Variants in MCRIP2 observed in about 807,000 individuals in gnomAD.
MCRIP2 encodes the protein MAPK regulated corepressor interacting protein 2, also known as MAPK regulated co-repressor interacting protein 2.
A neutral mutation model predicts 23.2 loss-of-function variants in MCRIP2; 21 were observed. That is an observed-to-expected ratio of 0.90 (90% CI 0.64 to 1.30). The LOEUF (loss-of-function observed/expected upper bound fraction) is 1.30. Among genes scored for constraint, MCRIP2 ranks in the 50% most tolerant of loss-of-function variants. The pLI is 0.00. For missense variants in MCRIP2, 234 were observed against 223.2 expected (o/e 1.05, Z -0.31); for synonymous variants, 121 against 100.2 (o/e 1.21, Z -1.24).
chr16:647,621 G>C (rs1219419272), intron 3 of MCRIP2, 77 bp downstream of exon 3: 2 of 1,582,510 alleles, frequency 1.3e-6, no homozygotes, highest in African/African-American at 2.7e-5. Context: ...CCCACTTCAA[G>C]CTGACCCACA....
In MCRIP2 at chr16:642,177, C is replaced by T. The variant is rs991326051; in HGVS notation, c.110C>T (p.Pro37Leu). 7.4e-6 allele frequency: 10 copies of T among 1,343,752 alleles called. No homozygotes were observed. The highest frequency in any genetic ancestry group is 2.8e-4 in the Middle Eastern group (1 of 3,606). 83.2% of individuals were successfully genotyped at this position (1,343,752 alleles called of 1,614,324 possible). A position where few individuals can be genotyped will look rare whatever the true frequency, so the allele number is the denominator to read the frequency against. ...GGCGAGCTCCTGAAATGCCGGCAGC[C>T]CGCGCCGCCGACCTCGCAGCCCCCG... ...RLGELLKCRQPAPPTSQPPRA... is the reference protein window; with the variant it reads ...RLGELLKCRQLAPPTSQPPRA... Residue 37 changes from proline (P) to leucine (L), a missense_variant, in exon 2 of 5, where the codon CCC becomes CTC. Physicochemically the swap from Pro to Leu is moderately conservative, Grantham distance 98. Coordinates refer to ENST00000307650, the MANE Select transcript of MCRIP2 (RefSeq NM_138418.4).
chr16:645,126 T>G (rs904894973), intron 2 of MCRIP2: 1 of 152,002 alleles, frequency 6.6e-6, no homozygotes, highest in Admixed American at 6.6e-5. Context: ...ACCCGGCTAA[T>G]TTTTTTGTGT....
In MCRIP2 at chr16:648,153, C is replaced by G. The variant is rs1365207404; in HGVS notation, c.446C>G (p.Ala149Gly). 6.2e-6 allele frequency: 10 copies of G among 1,610,838 alleles called. No individual in the cohort carries two copies. Among genetic ancestry groups the G allele is most frequent in the Non-Finnish European group, 7.6e-6 (9 of 1,179,084 alleles). Residue 149 changes from alanine (A) to glycine (G), a missense_variant, in exon 5 of 5, where the codon GCG becomes GGG. Coordinates refer to ENST00000307650, the MANE Select transcript of MCRIP2 (RefSeq NM_138418.4). The part of the protein sequence containing the change: ...FVPIDLDEWW[A>G]QQFLARITSC... ...CCCATTGACCTAGACGAGTGGTGGG[C>G]GCAGCAGTTCCTGGCGAGAATCACC...
intron 1 of MCRIP2, 33 bp downstream of exon 1, chr16:642,076 G>A: frequency 7.6e-7 from 1 of 1,317,706 alleles, no homozygotes. Flanking sequence ...GAACGGGGAC[G>A]GGGCGGGGCG....
Position 641,917 on chromosome 16 carries a change from A to T in MCRIP2, c.-75A>T. 8.2e-7 allele frequency: 1 copy of T among 1,224,050 alleles called. No individual in the cohort carries two copies. Among genetic ancestry groups the T allele is most frequent in the Non-Finnish European group, 1.0e-6 (1 of 973,478 alleles). The allele number at this position is 1,224,050 out of a possible 1,614,324, so 75.8% of individuals were successfully genotyped here. A position where few individuals can be genotyped will look rare whatever the true frequency, so the allele number is the denominator to read the frequency against. The stretch of plus-strand genomic sequence containing the variant: ...CCCGCCCCCTCCCCGCGGCGCCCGC[A>T]GTCCGTTAAGTGCGAGCCCCGGCGC... On this transcript the variant is annotated 5_prime_UTR_variant, in exon 1 of 5. Coordinates refer to ENST00000307650, the MANE Select transcript of MCRIP2 (RefSeq NM_138418.4).
In MCRIP2 at chr16:641,947, G is replaced by A; in HGVS notation, c.-45G>A. 7.8e-7 allele frequency: 1 copy of A among 1,289,584 alleles called. No homozygotes were observed. The highest frequency in any genetic ancestry group is 9.8e-7 in the Non-Finnish European group (1 of 1,020,642). 79.9% of individuals were successfully genotyped at this position (1,289,584 alleles called of 1,614,324 possible). A position where few individuals can be genotyped will look rare whatever the true frequency, so the allele number is the denominator to read the frequency against. ...GTTAAGTGCGAGCCCCGGCGCAGGGGCCGGATCTGGCCGGGGGCCGGCGGC... is the reference window on the plus strand; with the variant it reads ...GTTAAGTGCGAGCCCCGGCGCAGGGACCGGATCTGGCCGGGGGCCGGCGGC... On this transcript the variant is annotated 5_prime_UTR_variant, in exon 1 of 5. Transcript: ENST00000307650.
rs1185821595 is a variant in MCRIP2 at position 642,057 on chromosome 16, G to A, written c.52+14G>A. 6.1e-6 allele frequency: 8 copies of A among 1,319,572 alleles called. No individual in the cohort carries two copies. Among genetic ancestry groups the A allele is most frequent in the East Asian group, 3.2e-5 (1 of 31,438 alleles). The allele number at this position is 1,319,572 out of a possible 1,614,324, so 81.7% of individuals were successfully genotyped here. A position where few individuals can be genotyped will look rare whatever the true frequency, so the allele number is the denominator to read the frequency against. ...AGCGCCGCACAGGTGCGCACGGGCC[G>A]GGGAACGGGAACGGGGACGGGGCGG... On this transcript the variant is annotated intron_variant, in intron 1 of 4. Transcript: ENST00000307650.
rs1016871436 is a variant in MCRIP2 at position 642,103 on chromosome 16, C to A, written c.53-17C>A. The stretch of plus-strand genomic sequence containing the variant: ...GGCGGGGCGCGGCGGCGGCTGACCG[C>A]CCCCCGGTGCCCGCAGGTCCCACGC... On this transcript the variant is annotated splice_polypyrimidine_tract_variant and intron_variant, in intron 1 of 4. Transcript: ENST00000307650. 1 of 1,331,104 alleles carries A rather than the reference C, an allele frequency of 7.5e-7. No homozygotes were observed. The highest frequency in any genetic ancestry group is 3.7e-5 in the Admixed American group (1 of 27,168). 82.5% of individuals were successfully genotyped at this position (1,331,104 alleles called of 1,614,324 possible).
Position 641,989 on chromosome 16 carries a change from G to T in MCRIP2, c.-3G>T. The T allele has an allele frequency of 7.6e-7, 1 of 1,323,080 alleles. No individual in the cohort carries two copies. Among genetic ancestry groups the T allele is most frequent in the African/African-American group, 1.5e-5 (1 of 64,824 alleles). 82.0% of individuals were successfully genotyped at this position (1,323,080 alleles called of 1,614,324 possible). On this transcript the variant is annotated 5_prime_UTR_variant, in exon 1 of 5. Coordinates refer to ENST00000307650, the MANE Select transcript of MCRIP2 (RefSeq NM_138418.4). ...GCCGGCGGCGGTGTGGGAGCGGCGCGTCATGTACACCATCACCAAGGGGCC... is the reference window on the plus strand; with the variant it reads ...GCCGGCGGCGGTGTGGGAGCGGCGCTTCATGTACACCATCACCAAGGGGCC...
In MCRIP2 at chr16:647,811, T is replaced by C; in HGVS notation, c.339T>C (p.Asp113=). The C allele has an allele frequency of 6.3e-7, 1 of 1,575,356 alleles. No individual in the cohort carries two copies. The highest frequency in any genetic ancestry group is 8.6e-7 in the Non-Finnish European group (1 of 1,161,286). ...GGCAGCAGGTGCAACAGCAGCTGGA[T>C]GGTGGCCCAGCCGGTGAGGGCGGGC... ...EAWQQVQQQL[D]GGPAGEGGPR... Residue 113 remains aspartate, a synonymous_variant, in exon 4 of 5, where the codon GAT becomes GAC. Transcript: ENST00000307650.
Position 648,411 on chromosome 16 carries a change from A to C in MCRIP2, c.*221A>C. 1.8e-6 allele frequency: 1 copy of C among 571,062 alleles called. No homozygotes were observed. Among genetic ancestry groups the C allele is most frequent in the South Asian group, 2.1e-5 (1 of 47,408 alleles). 35.4% of individuals were successfully genotyped at this position (571,062 alleles called of 1,614,324 possible). On this transcript the variant is annotated 3_prime_UTR_variant, in exon 5 of 5. Transcript: ENST00000307650. ...TCAGCCCTGCTCACTGTGCCCAGGG[A>C]CCAGCGACCAGCCCCTGGGGCTGGC... is the stretch of plus-strand genomic sequence containing the variant.
rs535146387 is a variant in MCRIP2, at chr16:642,467, C to A, written c.182+218C>A. On this transcript the variant is annotated intron_variant, in intron 2 of 4. Transcript: ENST00000307650. The stretch of plus-strand genomic sequence containing the variant: ...CGCCTCACCTGGCCGGGCCCGGGCC[C>A]CCAGCGGGGAGAAAGCCGGCCAGTT... 45 of 304,832 alleles carry A rather than the reference C, an allele frequency of 1.5e-4. No homozygotes were observed. In the East Asian group the frequency reaches 3.2e-3, roughly 21 times the overall value. The allele number at this position is 304,832 out of a possible 1,614,324, so 18.9% of individuals were successfully genotyped here.
At position 643,790 on chromosome 16, in the gene MCRIP2, C is replaced by A. The variant is rs545690922; in HGVS notation, c.182+1541C>A. ...CTCATGATCCACCCGCCTCAGCCCCCCAAAGTGCTGGGATTACAAGTGTGA... is the reference window on the plus strand; with the variant it reads ...CTCATGATCCACCCGCCTCAGCCCCACAAAGTGCTGGGATTACAAGTGTGA... On this transcript the variant is annotated intron_variant, in intron 2 of 4. Coordinates refer to ENST00000307650, the MANE Select transcript of MCRIP2 (RefSeq NM_138418.4). 3.3e-5 allele frequency among the ~76,000 whole-genome samples: 5 copies of A among 152,270 alleles called. No homozygotes were observed. In the East Asian group the frequency reaches 9.7e-4, roughly 29 times the overall value.
Position 641,971 on chromosome 16 carries a change from G to T in MCRIP2, c.-21G>T. 7.6e-7 allele frequency: 1 copy of T among 1,309,186 alleles called. No individual in the cohort carries two copies. Among genetic ancestry groups the T allele is most frequent in the Non-Finnish European group, 9.7e-7 (1 of 1,030,782 alleles). 81.1% of individuals were successfully genotyped at this position (1,309,186 alleles called of 1,614,324 possible). A position where few individuals can be genotyped will look rare whatever the true frequency, so the allele number is the denominator to read the frequency against. On this transcript the variant is annotated 5_prime_UTR_variant, in exon 1 of 5. Coordinates refer to ENST00000307650, the MANE Select transcript of MCRIP2 (RefSeq NM_138418.4). ...GGCCGGATCTGGCCGGGGGCCGGCG[G>T]CGGTGTGGGAGCGGCGCGTCATGTA...
chr16:648,226 C>T lies in MCRIP2; in HGVS notation c.*36C>T, dbSNP rs2037556407. ...GAGGGGGCGCTGCTACACGGCCGAC[C>T]TGTCGCCAGGAGAGAAGCATGGCGC... On this transcript the variant is annotated 3_prime_UTR_variant, in exon 5 of 5. Transcript: ENST00000307650. The T allele has an allele frequency of 1.3e-6, 2 of 1,581,414 alleles. No homozygotes were observed. Among genetic ancestry groups the T allele is most frequent in the Non-Finnish European group, 8.6e-7 (1 of 1,162,110 alleles).
chr16:645,874 C>G (rs1442397137), intron 2 of MCRIP2: 1 of 152,270 alleles, frequency 6.6e-6, no homozygotes, highest in Non-Finnish European at 1.5e-5. Flanking sequence ...CTGCCCCCAC[C>G]CAGCATGTAA....
At position 648,219 on chromosome 16, in the gene MCRIP2, G is replaced by A. The variant is rs768458681; in HGVS notation, c.*29G>A. 3.1e-6 allele frequency: 5 copies of A among 1,591,122 alleles called. No homozygotes were observed. Among genetic ancestry groups the A allele is most frequent in the Non-Finnish European group, 3.4e-6 (4 of 1,168,292 alleles). ...CTGCTGGGAGGGGGCGCTGCTACAC[G>A]GCCGACCTGTCGCCAGGAGAGAAGC... is the stretch of plus-strand genomic sequence containing the variant. On this transcript the variant is annotated 3_prime_UTR_variant, in exon 5 of 5. Coordinates refer to ENST00000307650, the MANE Select transcript of MCRIP2 (RefSeq NM_138418.4).
rs1030556127 is a variant in MCRIP2, at chr16:648,447, T to C, written c.*257T>C. ...GCCCCTGGGGCTGGCAGGGAGGAGC[T>C]CCAGGCTAATAAAGTGGAGAAACTG... On this transcript the variant is annotated 3_prime_UTR_variant, in exon 5 of 5. Transcript: ENST00000307650. 6.0e-5 allele frequency: 33 copies of C among 550,504 alleles called. No individual in the cohort carries two copies. Among genetic ancestry groups the C allele is most frequent in the Middle Eastern group, 9.5e-4 (2 of 2,100 alleles). The allele number at this position is 550,504 out of a possible 1,614,324, so 34.1% of individuals were successfully genotyped here. A position where few individuals can be genotyped will look rare whatever the true frequency, so the allele number is the denominator to read the frequency against.
At chr16:647,705 T>C in intron 3 of MCRIP2, 78 bp from the exon 4 acceptor site, 1 of 1,505,668 alleles carries the variant, frequency 6.6e-7, no homozygotes, top group Non-Finnish European at 9.0e-7. Flanking sequence ...GGGGCTGGAG[T>C]CCAGGGTGAC....
Sources: gnomAD v4.1 joint callset for allele counts (sites outside exome capture counted in the v4.1 genomes callset) on GRCh38, gnomAD v4.1.1 for gene constraint, MANE v1.5 for transcripts, NCBI Gene and HGNC (gene_info 2026-07-23, HGNC 2026-07-21) for gene names.